Variants in DNER observed in about 807,000 individuals in gnomAD.
DNER encodes delta/notch like EGF repeat containing, also known as delta and Notch-like epidermal growth factor-related receptor.
Under a neutral mutation model 78.2 loss-of-function variants are expected in DNER, and 33 were observed. The observed-to-expected ratio is 0.42, with a 90% CI of 0.32 to 0.56. DNER has a LOEUF of 0.56. Ranked by LOEUF, DNER falls within the 20% of genes least tolerant of loss-of-function variation. The pLI is 0.11. For synonymous variants in DNER, 417 were observed against 384.8 expected (o/e 1.08, Z -0.98); for missense variants, 918 against 975.3 (o/e 0.94, Z 0.78).
In DNER at chr2:229,576,094, C is replaced by A. The variant is rs542733049; in HGVS notation, c.847+9764G>T. ...TTCTCCCCGCTACACTCCCTACCCC[C>A]ACCATTGCAGTGAGTTCAGCAGAAC... On this transcript the variant is annotated intron_variant, in intron 4 of 12. Transcript: ENST00000341772. 4.9e-4 allele frequency among the ~76,000 whole-genome samples: 74 copies of A among 152,286 alleles called. 1 individual carries two copies. The highest frequency in any genetic ancestry group is 1.6e-3 in the African/African-American group (66 of 41,568).
chr2:229,397,266 G>T (rs1197479547), intron 10 of DNER, among the ~76,000 whole-genome samples: 2 of 151,958 alleles, frequency 1.3e-5, no homozygotes, highest in Non-Finnish European at 2.9e-5. Flanking sequence ...ACATGATTGT[G>T]AGCTCTCTGA....
chr2:229,656,244 C>T lies in DNER; in HGVS notation c.276+57904G>A, dbSNP rs540924107. On this transcript the variant is annotated intron_variant, in intron 1 of 12. Transcript: ENST00000341772. Reference sequence around the variant, plus strand: ...TGGGAAACAGGTATCATCCACATGGCCAGAAGCAGAAGCTTTCAGATTGAA... The same window carrying T: ...TGGGAAACAGGTATCATCCACATGGTCAGAAGCAGAAGCTTTCAGATTGAA... 1.1e-4 allele frequency among the ~76,000 whole-genome samples: 17 copies of T among 152,248 alleles called. No homozygotes were observed. In the South Asian group the frequency reaches 3.5e-3, roughly 32 times the overall value.
At chr2:229,417,512 G>C (rs889926301) in intron 9 of DNER, among the ~76,000 whole-genome samples, 11 of 152,072 alleles carry the variant, frequency 7.2e-5, no homozygotes, top group African/African-American at 2.4e-4. Flanking sequence ...AAGATGCTGG[G>C]AAAGGGCTTT....
intron 1 of DNER, among the ~76,000 whole-genome samples, chr2:229,621,618 C>T (rs1698252564): frequency 2.6e-5 from 4 of 151,698 alleles, no homozygotes; most frequent in Admixed American, 6.6e-5. Flanking sequence ...GAAAGCCTTC[C>T]CAGCCATGCC....
intron 2 of DNER, among the ~76,000 whole-genome samples, chr2:229,589,594 C>T (rs1047027492): frequency 6.6e-6 from 1 of 152,146 alleles, no homozygotes; most frequent in East Asian, 1.9e-4. Flanking sequence ...AAGAAATAAT[C>T]CATGATATAG....
chr2:229,698,119 A>G (rs1699688915), intron 1 of DNER, among the ~76,000 whole-genome samples: 1 of 152,132 alleles, frequency 6.6e-6, no homozygotes, highest in African/African-American at 2.4e-5. Context: ...TGGGAGGAAC[A>G]CTTGAGCCCA....
rs79606364 is a variant in DNER at position 229,554,504 on chromosome 2, C to A, written c.848-7412G>T. ...GGCAGGAGTCCGAGACCAGCCTGGC[C>A]AACATGCTGAAACTCCATCTGTACT... On this transcript the variant is annotated intron_variant, in intron 4 of 12. Transcript: ENST00000341772. 3.2e-3 allele frequency among the ~76,000 whole-genome samples: 484 copies of A among 152,206 alleles called. 4 individuals carry two copies. The highest frequency in any genetic ancestry group is 0.011 in the African/African-American group (474 of 41,534).
intron 11 of DNER, among the ~76,000 whole-genome samples, chr2:229,377,027 T>C (rs1279912754): frequency 1.3e-5 from 2 of 152,190 alleles, no homozygotes; most frequent in Non-Finnish European, 2.9e-5. Context: ...GATGAGTTAC[T>C]TTCCCTTTCC....
At chr2:229,560,624 C>T (rs946029316) in intron 4 of DNER, among the ~76,000 whole-genome samples, 3 of 152,098 alleles carry the variant, frequency 2.0e-5, no homozygotes, top group East Asian at 1.9e-4. Flanking sequence ...GCTAATAAGC[C>T]GGTCAGGATC....
intron 1 of DNER, among the ~76,000 whole-genome samples, chr2:229,620,266 A>G (rs1307245477): frequency 1.3e-5 from 2 of 152,236 alleles, no homozygotes; most frequent in Admixed American, 6.5e-5. Flanking sequence ...TCAGAAAGCA[A>G]TTAAGGAACT....
chr2:229,595,144 T>C (rs1574918954), intron 1 of DNER, among the ~76,000 whole-genome samples: 1 of 152,302 alleles, frequency 6.6e-6, no homozygotes, highest in East Asian at 1.9e-4. Context: ...GTGTTTTACA[T>C]TTCTTATTTT....
chr2:229,390,039 G>T (rs1692981599), intron 10 of DNER, among the ~76,000 whole-genome samples: 2 of 152,196 alleles, frequency 1.3e-5, no homozygotes, highest in African/African-American at 4.8e-5. Context: ...CAGACTGGTT[G>T]AAGGGACATA....
chr2:229,388,064 A>C (rs1692935388), intron 11 of DNER, among the ~76,000 whole-genome samples: 1 of 152,094 alleles, frequency 6.6e-6, no homozygotes, highest in East Asian at 1.9e-4. Flanking sequence ...AGCAGAATGC[A>C]GGGGGCAAAC....
intron 8 of DNER, among the ~76,000 whole-genome samples, chr2:229,420,028 C>A (rs1286844293): frequency 3.3e-5 from 5 of 151,140 alleles, no homozygotes; most frequent in Non-Finnish European, 5.9e-5. Flanking sequence ...AACAATACAG[C>A]CAGGTTGAGA....
intron 6 of DNER, among the ~76,000 whole-genome samples, chr2:229,504,406 G>A (rs573881277): frequency 1.7e-4 from 26 of 151,972 alleles, no homozygotes; most frequent in Non-Finnish European, 3.1e-4. Flanking sequence ...TTTTAGTAGA[G>A]AGAGGGTTTC....
intron 11 of DNER, among the ~76,000 whole-genome samples, chr2:229,376,967 T>C (rs1441433451): frequency 6.6e-5 from 10 of 152,218 alleles, no homozygotes; most frequent in Non-Finnish European, 1.0e-4. Context: ...AAATTCCATC[T>C]ATTGTTAAAG....
intron 11 of DNER, among the ~76,000 whole-genome samples, chr2:229,386,557 T>C (rs1249481147): frequency 2.0e-5 from 3 of 151,852 alleles, no homozygotes; most frequent in African/African-American, 7.3e-5. Flanking sequence ...GGAGAAAATT[T>C]TTGCAATCTA....
chr2:229,637,389 T>C (rs903488707), intron 1 of DNER, among the ~76,000 whole-genome samples: 1 of 152,260 alleles, frequency 6.6e-6, no homozygotes, highest in Non-Finnish European at 1.5e-5. Flanking sequence ...AGTTGGTTCA[T>C]TGCCAATTGC....
intron 1 of DNER, among the ~76,000 whole-genome samples, chr2:229,628,777 T>A (rs1698388333): frequency 6.6e-6 from 1 of 152,144 alleles, no homozygotes; most frequent in Non-Finnish European, 1.5e-5. Context: ...AATCTTACCC[T>A]CTGCAGCCAG....
Sources: gnomAD v4.1 joint callset for allele counts (sites outside exome capture counted in the v4.1 genomes callset) on GRCh38, gnomAD v4.1.1 for gene constraint, MANE v1.5 for transcripts, NCBI Gene and HGNC (gene_info 2026-07-23, HGNC 2026-07-21) for gene names.